The following PLEKHM3 variants were observed in gnomAD, a reference collection of about 807,000 sequenced individuals.
The protein encoded by PLEKHM3 is pleckstrin homology domain-containing family M member 3.
PLEKHM3 carries 45 observed loss-of-function variants against 81.8 expected under a neutral mutation model. That is an observed-to-expected ratio of 0.55 (90% CI 0.43 to 0.71). The LOEUF (loss-of-function observed/expected upper bound fraction) is 0.71, where lower values mean the gene tolerates loss of function less well. Among genes scored for constraint, PLEKHM3 ranks in the 30% least tolerant of loss-of-function variants. The pLI, the probability that PLEKHM3 is intolerant of heterozygous loss-of-function variation, is 0.00. For synonymous variants in PLEKHM3, 352 were observed against 356.4 expected, an observed-to-expected ratio of 0.99 and a Z score of 0.14; for missense variants, 788 against 924.3, an observed-to-expected ratio of 0.85 and a Z score of 1.91.
At chr2:207,874,897 A>G (rs2092553048) in intron 6 of PLEKHM3, among the ~76,000 whole-genome samples, 1 of 152,068 alleles carries the variant, frequency 6.6e-6, no homozygotes, top group African/African-American at 2.4e-5. Context: ...GCCTTTAAAA[A>G]CTATATTTTC....
At chr2:207,892,895 G>A (rs1211994741) in intron 6 of PLEKHM3, among the ~76,000 whole-genome samples, 1 of 152,138 alleles carries the variant, frequency 6.6e-6, no homozygotes, top group Non-Finnish European at 1.5e-5. Flanking sequence ...AGGCGATGTG[G>A]CTTAAGCAAA....
intron 4 of PLEKHM3, among the ~76,000 whole-genome samples, chr2:207,944,340 G>T (rs1690048749): frequency 6.6e-6 from 1 of 152,198 alleles, no homozygotes; most frequent in Non-Finnish European, 1.5e-5. Flanking sequence ...TGGCAAAATT[G>T]TGTTGGAGAA....
intron 5 of PLEKHM3, chr2:207,929,955 A>G: frequency 1.4e-6 from 1 of 695,000 alleles, no homozygotes; most frequent in Middle Eastern, 2.4e-4. Flanking sequence ...TAAAACAAAA[A>G]AATTAAAAGG....
At chr2:207,877,553 T>C (rs2105842779) in intron 6 of PLEKHM3, among the ~76,000 whole-genome samples, 1 of 152,322 alleles carries the variant, frequency 6.6e-6, no homozygotes, top group African/African-American at 2.4e-5. Context: ...ACAGTCCGTT[T>C]TCTTAAGTGA....
chr2:207,888,978 T>C (rs1314958108), intron 6 of PLEKHM3, among the ~76,000 whole-genome samples: 3 of 152,226 alleles, frequency 2.0e-5, no homozygotes, highest in Non-Finnish European at 4.4e-5. Flanking sequence ...GTATTAGCAG[T>C]GGCTCCAGTT....
intron 5 of PLEKHM3, 61 bp downstream of exon 5, chr2:207,930,865 C>T (rs1454834134): frequency 6.3e-6 from 10 of 1,575,366 alleles, no homozygotes; most frequent in Non-Finnish European, 8.7e-6. Flanking sequence ...GATAATCTCA[C>T]CACCCTCCGT....
chr2:207,945,446 G>T (rs1194252544), intron 4 of PLEKHM3, among the ~76,000 whole-genome samples: 1 of 152,182 alleles, frequency 6.6e-6, no homozygotes, highest in Non-Finnish European at 1.5e-5. Flanking sequence ...TTAAAAAACA[G>T]CAGTGCTGAC....
chr2:208,005,490 C>CT (rs1264928352), intron 1 of PLEKHM3, among the ~76,000 whole-genome samples: 2 of 152,058 alleles, frequency 1.3e-5, no homozygotes, highest in African/African-American at 4.8e-5. Flanking sequence ...TTGGACATGT[C>CT]TGATGTTTTT....
At chr2:207,861,344 T>G in intron 6 of PLEKHM3, 82 bp from the exon 7 acceptor site, 2 of 1,374,690 alleles carry the variant, frequency 1.5e-6, no homozygotes, top group South Asian at 1.4e-5. Flanking sequence ...AGGAATTCCT[T>G]TCCTTTACAC....
rs540797870 is a variant in PLEKHM3 at position 207,822,405 on chromosome 2, G to T, written c.*5914C>A. On this transcript the variant is annotated 3_prime_UTR_variant, in exon 8 of 8. Transcript: ENST00000427836. ...TTACAGATTCAATTATGGATGGCTGGTTTTTATTTCTCTACCCATTGGCCT... is the reference window on the plus strand; with the variant it reads ...TTACAGATTCAATTATGGATGGCTGTTTTTTATTTCTCTACCCATTGGCCT... 1 of 152,740 alleles carries T rather than the reference G, an allele frequency of 6.5e-6. No homozygotes were observed. The highest frequency in any genetic ancestry group is 1.9e-4 in the East Asian group (1 of 5,184). The allele number at this position is 152,740 out of a possible 1,614,324, so 9.5% of individuals were successfully genotyped here.
rs150258596 is a variant in PLEKHM3, at chr2:208,005,320, A to G, written c.-318-3363T>C. ...TCTTCATATTTCCCTAATGTCCTCT[A>G]TCTATTCCAGGATCCTATACAGGAT... On this transcript the variant is annotated intron_variant, in intron 1 of 7. Transcript: ENST00000427836. 5.6e-4 allele frequency among the ~76,000 whole-genome samples: 86 copies of G among 152,236 alleles called. No individual in the cohort carries two copies. The South Asian group carries it at 8.9e-3, about 16-fold the overall frequency.
At chr2:207,869,129 A>G (rs1287326364) in intron 6 of PLEKHM3, among the ~76,000 whole-genome samples, 3 of 152,226 alleles carry the variant, frequency 2.0e-5, no homozygotes, top group Non-Finnish European at 4.4e-5. Flanking sequence ...ATAGGCTAAT[A>G]TAACTTTATA....
chr2:207,980,906 A>T (rs913939559), intron 2 of PLEKHM3, among the ~76,000 whole-genome samples: 1 of 152,064 alleles, frequency 6.6e-6, no homozygotes, highest in African/African-American at 2.4e-5. Flanking sequence ...AGGCGGGTGG[A>T]TCACCTGAGG....
At chr2:208,017,426 A>G (rs560796608) in intron 1 of PLEKHM3, among the ~76,000 whole-genome samples, 1 of 152,272 alleles carries the variant, frequency 6.6e-6, no homozygotes, top group South Asian at 2.1e-4. Flanking sequence ...GTTTTAATCT[A>G]CTCAAGGTTC....
intron 4 of PLEKHM3, among the ~76,000 whole-genome samples, chr2:207,938,474 A>G (rs1413040926): frequency 6.6e-6 from 1 of 152,206 alleles, no homozygotes; most frequent in Non-Finnish European, 1.5e-5. Flanking sequence ...CCAGTCACGT[A>G]CTTGCTATTA....
At chr2:208,017,695 C>A (rs1272186734) in intron 1 of PLEKHM3, among the ~76,000 whole-genome samples, 1 of 152,112 alleles carries the variant, frequency 6.6e-6, no homozygotes, top group African/African-American at 2.4e-5. Flanking sequence ...TTTCTCATTG[C>A]CCATTCATTC....
At chr2:207,959,630 C>T (rs976475372) in intron 3 of PLEKHM3, among the ~76,000 whole-genome samples, 1 of 152,176 alleles carries the variant, frequency 6.6e-6, no homozygotes, top group Non-Finnish European at 1.5e-5. Context: ...AGTCTCATCT[C>T]TTTGAACTTT....
At chr2:207,905,736 T>G (rs531391247) in intron 6 of PLEKHM3, among the ~76,000 whole-genome samples, 2 of 152,280 alleles carry the variant, frequency 1.3e-5, no homozygotes, top group Middle Eastern at 3.4e-3. Flanking sequence ...GAGTGAGCTG[T>G]TAAGTGAATG....
intron 2 of PLEKHM3, among the ~76,000 whole-genome samples, chr2:207,998,311 C>T (rs1279214177): frequency 6.6e-6 from 1 of 152,158 alleles, no homozygotes; most frequent in Non-Finnish European, 1.5e-5. Context: ...TGAGACCAGC[C>T]TGGGCAACAT....
Sources: allele counts gnomAD v4.1 joint callset (sites outside exome capture counted in the v4.1 genomes callset), GRCh38; gene constraint gnomAD v4.1.1; transcripts MANE v1.5; gene names NCBI Gene and HGNC (gene_info 2026-07-23, HGNC 2026-07-21).